ZNF423: variants seen among roughly 807,000 people sequenced by gnomAD.
The protein encoded by ZNF423 is Ebf-associated zinc finger protein.
In ZNF423, 12 loss-of-function variants were observed where a neutral mutation model predicts 95.8. The observed-to-expected ratio is 0.13, with a 90% confidence interval of 0.08 to 0.20. The LOEUF (loss-of-function observed/expected upper bound fraction) is 0.20, where lower values mean the gene tolerates loss of function less well. Ranked by LOEUF, ZNF423 falls within the 10% of genes least tolerant of loss-of-function variation. The pLI, the probability that ZNF423 is intolerant of heterozygous loss-of-function variation, is 1.00. For synonymous variants in ZNF423, 749 were observed against 711.9 expected, an observed-to-expected ratio of 1.05 and a Z score of -0.83; for missense variants, 1,316 against 1,737.1, an observed-to-expected ratio of 0.76 and a Z score of 4.31.
intron 7 of ZNF423, chr16:49,518,174 G>A: frequency 2.6e-6 from 1 of 384,308 alleles, no homozygotes; most frequent in Non-Finnish European, 5.1e-6. Context: ...TGCATCCTTG[G>A]AATCTACATA....
chr16:49,669,284 G>A (rs1460013818), intron 3 of ZNF423, among the ~76,000 whole-genome samples: 6 of 151,236 alleles, frequency 4.0e-5, no homozygotes, highest in African/African-American at 4.9e-5. Flanking sequence ...AGCTGAGTTC[G>A]CGCCATTGCA....
Position 49,540,532 on chromosome 16 carries a change from C to T in ZNF423, c.3602-15038G>A, listed in dbSNP as rs926423246. ...CTGGCCTCAAGCAATCCTTTCACCT[C>T]GGCCTCCCCATGTGCTTGGATTCCA... On this transcript the variant is annotated intron_variant, in intron 5 of 7. Transcript: ENST00000563137. Among the ~76,000 whole-genome samples, 6 of 152,048 alleles carry T rather than the reference C, an allele frequency of 3.9e-5. No individual in the cohort carries two copies. In the South Asian group the frequency reaches 1.2e-3, roughly 32 times the overall value.
chr16:49,680,821 C>G (rs1000157365), intron 3 of ZNF423, among the ~76,000 whole-genome samples: 1 of 152,212 alleles, frequency 6.6e-6, no homozygotes, highest in African/African-American at 2.4e-5. Flanking sequence ...CACAGCCTGC[C>G]AGGTCAAGGG....
At chr16:49,553,245 TGGCAGAATACTGAGTTCTAATAATTACG>T (rs1367717850) in intron 5 of ZNF423, among the ~76,000 whole-genome samples, 2 of 152,208 alleles carry the variant, frequency 1.3e-5, no homozygotes, top group Admixed American at 6.5e-5. Flanking sequence ...GTGCAGTATC[TGGCAGAATACTGAGTTCTAATAATTACG>T]ACAGTTTCAA....
chr16:49,542,100 T>C lies in ZNF423; in HGVS notation c.3602-16606A>G, dbSNP rs1331673398. On this transcript the variant is annotated intron_variant, in intron 5 of 7. Transcript: ENST00000563137. ...ACTGGAAATGGTTGGACCAGAGAGC[T>C]CCACAGCCCCTCTCAGCCCCTGCCT... 3.3e-5 allele frequency among the ~76,000 whole-genome samples: 5 copies of C among 152,198 alleles called. No homozygotes were observed. The East Asian group carries it at 7.7e-4, about 23-fold the overall frequency.
chr16:49,649,815 G>A (rs1303058946), intron 3 of ZNF423, among the ~76,000 whole-genome samples: 2 of 152,190 alleles, frequency 1.3e-5, no homozygotes, highest in Admixed American at 1.3e-4. Context: ...TGAGGCTATT[G>A]GAGGTTCTTT....
chr16:49,540,176 C>T (rs751973891), intron 5 of ZNF423, among the ~76,000 whole-genome samples: 78 of 152,236 alleles, frequency 5.1e-4, no homozygotes, highest in Non-Finnish European at 9.0e-4. Context: ...GCTCATAGTT[C>T]ACTGCTCCAG....
rs567850253 is a variant in ZNF423 at position 49,487,894 on chromosome 16, G to A, written c.*3381C>T. On this transcript the variant is annotated 3_prime_UTR_variant, in exon 8 of 8. Coordinates refer to ENST00000563137, the MANE Select transcript of ZNF423 (RefSeq NM_001379286.1). Reference sequence around the variant, plus strand: ...TAATGCACCCCTGTGTCTCATACACGGGTCCCTCCATTAATCCCTGGCAGC... The same window carrying A: ...TAATGCACCCCTGTGTCTCATACACAGGTCCCTCCATTAATCCCTGGCAGC... 2.0e-5 allele frequency: 3 copies of A among 152,318 alleles called. No homozygotes were observed. Among genetic ancestry groups the A allele is most frequent in the South Asian group, 4.1e-4 (2 of 4,822 alleles). 9.4% of individuals were successfully genotyped at this position (152,318 alleles called of 1,614,324 possible).
intron 5 of ZNF423, among the ~76,000 whole-genome samples, chr16:49,586,619 G>A (rs1397897846): frequency 6.6e-6 from 1 of 152,210 alleles, no homozygotes; most frequent in Non-Finnish European, 1.5e-5. Context: ...CGCAGCCCAC[G>A]CTGGGCGACC....
chr16:49,722,549 G>A (rs1045629350), intron 3 of ZNF423, among the ~76,000 whole-genome samples: 2 of 152,174 alleles, frequency 1.3e-5, no homozygotes, highest in South Asian at 2.1e-4. Context: ...TTGTATGAAC[G>A]AACCATCTCT....
chr16:49,817,272 G>A (rs1001505628), intron 1 of ZNF423, among the ~76,000 whole-genome samples: 24 of 152,270 alleles, frequency 1.6e-4, no homozygotes, highest in African/African-American at 4.1e-4. Context: ...AGTTTACCTC[G>A]ACACTTTTCC....
intron 1 of ZNF423, among the ~76,000 whole-genome samples, chr16:49,806,895 C>G (rs1466643505): frequency 6.6e-6 from 1 of 151,870 alleles, no homozygotes; most frequent in South Asian, 2.1e-4. Context: ...GGTATGGTAG[C>G]GCACGTCTGT....
chr16:49,825,935 G>T (rs2035001040), intron 1 of ZNF423, among the ~76,000 whole-genome samples: 2 of 152,226 alleles, frequency 1.3e-5, no homozygotes, highest in Admixed American at 6.5e-5. Context: ...GGCTGGCCAG[G>T]TGTGGTGGCT....
intron 7 of ZNF423, among the ~76,000 whole-genome samples, chr16:49,495,920 A>T (rs1023805177): frequency 1.3e-5 from 2 of 152,176 alleles, no homozygotes; most frequent in African/African-American, 4.8e-5. Context: ...TTTGATACCT[A>T]TCCATCACCA....
rs188152419 is a variant in ZNF423, at chr16:49,670,736, A to G, written c.302-31862T>C. Reference sequence around the variant, plus strand: ...ACAGCACGCTGCCTCATTCTCAGCCAACGTAGGCTACAATTAATCTGAAGC... The same window carrying G: ...ACAGCACGCTGCCTCATTCTCAGCCGACGTAGGCTACAATTAATCTGAAGC... On this transcript the variant is annotated intron_variant, in intron 3 of 7. Transcript: ENST00000563137. 1.7e-4 allele frequency among the ~76,000 whole-genome samples: 26 copies of G among 152,352 alleles called. No individual in the cohort carries two copies. In the East Asian group the frequency reaches 4.4e-3, roughly 26 times the overall value.
In ZNF423 at chr16:49,638,169, C is replaced by T. The variant is rs1268589763; in HGVS notation, c.1007G>A (p.Cys336Tyr). The change falls in exon 4 of 8, where the codon TGC (cysteine) becomes TAC (tyrosine). Residue 336 changes from cysteine to tyrosine, a missense_variant. Physicochemically the swap from Cys to Tyr is radical, Grantham distance 194. This residue lies in a region of ZNF423 where 399 missense variants were observed against 478.5 expected (regional missense o/e 0.83). Coordinates refer to ENST00000563137, the MANE Select transcript of ZNF423 (RefSeq NM_001379286.1). The surrounding 1 kb of genome is among the most constrained non-coding windows in gnomAD (Gnocchi z 5.6). Reference sequence around the variant, plus strand: ...TTCCACTGAGGAGAACTGCTCAGGGCACATGGGGCACTTGTGTTTCTGGTT... The same window carrying T: ...TTCCACTGAGGAGAACTGCTCAGGGTACATGGGGCACTTGTGTTTCTGGTT... Reference protein sequence around the residue: ...HANQKHKCPMCPEQFSSVEGV... With the variant: ...HANQKHKCPMYPEQFSSVEGV... 1 of 1,609,156 alleles carries T rather than the reference C, an allele frequency of 6.2e-7. No individual in the cohort carries two copies. Among genetic ancestry groups the T allele is most frequent in the Admixed American group, 1.7e-5 (1 of 60,024 alleles).
chr16:49,517,819 A>C, intron 7 of ZNF423: 2 of 381,744 alleles, frequency 5.2e-6, no homozygotes, highest in African/African-American at 2.1e-5. Flanking sequence ...GTCTTCTGAG[A>C]TAGATATGCT....
At position 49,515,741 on chromosome 16, in the gene ZNF423, G is replaced by T. The variant is rs1210198068; in HGVS notation, c.3849+7883C>A. ...CCTGTATGGCTGGTAAGCCGCATAT[G>T]ACCCTCATGCACGCATCCCCACAGT... On this transcript the variant is annotated intron_variant, in intron 7 of 7. Coordinates refer to ENST00000563137, the MANE Select transcript of ZNF423 (RefSeq NM_001379286.1). Among the ~76,000 whole-genome samples the T allele has an allele frequency of 2.6e-5, 4 of 152,200 alleles. No individual in the cohort carries two copies. The East Asian group carries it at 7.7e-4, about 29-fold the overall frequency.
At chr16:49,528,291 C>G (rs1266372885) in intron 5 of ZNF423, among the ~76,000 whole-genome samples, 1 of 152,126 alleles carries the variant, frequency 6.6e-6, no homozygotes, top group Non-Finnish European at 1.5e-5. Context: ...ATCAGCTGGT[C>G]CCCCCTGATT....
Sources: gnomAD v4.1 joint callset for allele counts (sites outside exome capture counted in the v4.1 genomes callset) on GRCh38, gnomAD v4.1.1 for gene constraint, gnomAD v4.1.1 regional missense constraint, Gnocchi (gnomAD v3.1) non-coding constraint, MANE v1.5 for transcripts, NCBI Gene and HGNC (gene_info 2026-07-23, HGNC 2026-07-21) for gene names.